The following BEGAIN variants were observed in gnomAD, a reference collection of about 807,000 sequenced individuals.
BEGAIN encodes brain enriched guanylate kinase associated, also known as brain-enriched guanylate kinase-associated protein.
Under a neutral mutation model 35.8 loss-of-function variants are expected in BEGAIN, and 19 were observed. The observed-to-expected ratio is 0.53, with a 90% CI of 0.37 to 0.78. The LOEUF is 0.78. BEGAIN is among the 30% of genes least tolerant of loss of function. The pLI is 0.00. For missense variants in BEGAIN, 795 were observed against 853.6 expected (o/e 0.93, Z 0.85); for synonymous variants, 462 against 388.6 (o/e 1.19, Z -2.22).
In BEGAIN at chr14:100,568,491, G is replaced by C; in HGVS notation, c.43-552C>G. On this transcript the variant is annotated intron_variant, in intron 1 of 6. Transcript: ENST00000554140. This position sits in a 1 kb window ranked among gnomAD's most constrained non-coding sequence, Gnocchi z 7.5. ...TTGGAGCCTCGACTCCTCAATCAGGGACCCGCTGCCCTCAGATTCTGGGGT... is the reference window on the plus strand; with the variant it reads ...TTGGAGCCTCGACTCCTCAATCAGGCACCCGCTGCCCTCAGATTCTGGGGT... 4.7e-6 allele frequency: 6 copies of C among 1,286,338 alleles called. No homozygotes were observed. The highest frequency in any genetic ancestry group is 6.1e-6 in the Non-Finnish European group (6 of 987,190). 79.7% of individuals were successfully genotyped at this position (1,286,338 alleles called of 1,614,324 possible).
At chr14:100,555,127 G>T (rs2033583783) in intron 2 of BEGAIN, among the ~76,000 whole-genome samples, 1 of 152,250 alleles carries the variant, frequency 6.6e-6, no homozygotes, top group South Asian at 2.1e-4. Flanking sequence ...GCCCACATCA[G>T]ACCCTTGGGA....
At chr14:100,575,261 C>T (rs1281989199) in intron 1 of BEGAIN, among the ~76,000 whole-genome samples, 2 of 152,208 alleles carry the variant, frequency 1.3e-5, no homozygotes, top group Non-Finnish European at 2.9e-5. Flanking sequence ...AGAAAGCATT[C>T]TGGGGACACA....
chr14:100,568,466 T>G lies in BEGAIN; in HGVS notation c.43-527A>C. ...TCACACAATCCGAGGGCGATGGCAT[T>G]TGGAGCCTCGACTCCTCAATCAGGG... On this transcript the variant is annotated intron_variant, in intron 1 of 6. Transcript: ENST00000554140. The surrounding 1 kb of genome is among the most constrained non-coding windows in gnomAD (Gnocchi z 7.5). 8 of 1,286,358 alleles carry G rather than the reference T, an allele frequency of 6.2e-6. No homozygotes were observed. The highest frequency in any genetic ancestry group is 8.1e-6 in the Non-Finnish European group (8 of 987,238). 79.7% of individuals were successfully genotyped at this position (1,286,358 alleles called of 1,614,324 possible). A position where few individuals can be genotyped will look rare whatever the true frequency, so the allele number is the denominator to read the frequency against.
intron 6 of BEGAIN, among the ~76,000 whole-genome samples, chr14:100,539,795 A>G (rs1430747712): frequency 6.6e-6 from 1 of 152,164 alleles, no homozygotes; most frequent in Non-Finnish European, 1.5e-5. Context: ...TGAAGAAGAC[A>G]GACTCAGATG....
intron 1 of BEGAIN, chr14:100,577,822 C>T (rs2035234247): frequency 2.5e-6 from 1 of 399,234 alleles, no homozygotes; most frequent in Non-Finnish European, 4.4e-6. Flanking sequence ...TGGCATGTGG[C>T]TTCGAAGGTC....
chr14:100,561,199 C>T (rs1297533142), intron 2 of BEGAIN, among the ~76,000 whole-genome samples: 1 of 152,150 alleles, frequency 6.6e-6, no homozygotes, highest in Non-Finnish European at 1.5e-5. Context: ...GCCCCGCCCC[C>T]AGCTCAGAGA....
intron 2 of BEGAIN, 57 bp from the exon 3 acceptor site, chr14:100,546,719 G>T (rs2032518166): frequency 6.8e-7 from 1 of 1,475,196 alleles, no homozygotes; most frequent in African/African-American, 1.5e-5. Context: ...GGAAACTAAG[G>T]CCCGCAGGCC....
chr14:100,577,649 G>A (rs1449733015), intron 1 of BEGAIN: 6 of 398,962 alleles, frequency 1.5e-5, no homozygotes, highest in East Asian at 3.6e-5. Context: ...TCCCGCCAGC[G>A]GCCCAGGCGT....
chr14:100,567,576 G>A lies in BEGAIN; in HGVS notation c.71+335C>T, dbSNP rs1345261059. ...GAACGGAACCCGGAGGGTCCCCGGG[G>A]ACCAGCGAGAGTCCAGGGCAGGGAG... On this transcript the variant is annotated intron_variant, in intron 2 of 6. Transcript: ENST00000554140. This position sits in a 1 kb window ranked among gnomAD's most constrained non-coding sequence, Gnocchi z 5.1. Among the ~76,000 whole-genome samples the A allele has an allele frequency of 2.6e-5, 4 of 151,974 alleles. No homozygotes were observed. The highest frequency in any genetic ancestry group is 4.4e-5 in the Non-Finnish European group (3 of 67,922).
intron 2 of BEGAIN, chr14:100,546,920 G>A (rs2032601179): frequency 5.4e-6 from 2 of 367,628 alleles, no homozygotes; most frequent in Admixed American, 9.6e-5. Context: ...GACTCCACCA[G>A]TGTCCCTCAC....
intron 3 of BEGAIN, chr14:100,545,537 A>G (rs2032264113): frequency 1.5e-6 from 1 of 687,630 alleles, no homozygotes; most frequent in Non-Finnish European, 1.8e-6. Flanking sequence ...GCCGGGTAGG[A>G]GGAGTGGAGC....
intron 2 of BEGAIN, among the ~76,000 whole-genome samples, chr14:100,561,288 C>G (rs1250626866): frequency 6.6e-6 from 1 of 152,216 alleles, no homozygotes; most frequent in Non-Finnish European, 1.5e-5. Context: ...CAGCAAGGCC[C>G]AAGCAGGGCA....
At chr14:100,561,790 T>C (rs750523438) in intron 2 of BEGAIN, among the ~76,000 whole-genome samples, 3 of 151,774 alleles carry the variant, frequency 2.0e-5, no homozygotes, top group Non-Finnish European at 2.9e-5. Context: ...CCTAGGTGCG[T>C]CTACCTTCTT....
At chr14:100,562,359 A>G (rs997174688) in intron 2 of BEGAIN, among the ~76,000 whole-genome samples, 5 of 152,056 alleles carry the variant, frequency 3.3e-5, no homozygotes, top group Admixed American at 2.0e-4. Flanking sequence ...CCCAACCTGG[A>G]TGCTGTCTAG....
At chr14:100,574,526 T>G (rs1595150035) in intron 1 of BEGAIN, among the ~76,000 whole-genome samples, 1 of 152,104 alleles carries the variant, frequency 6.6e-6, no homozygotes, top group Non-Finnish European at 1.5e-5. Flanking sequence ...AGGTTTTTTT[T>G]TTTTTTTTTT....
chr14:100,558,487 T>C lies in BEGAIN; in HGVS notation c.71+9424A>G, dbSNP rs963539421. Among the ~76,000 whole-genome samples, 2 of 152,152 alleles carry C rather than the reference T, an allele frequency of 1.3e-5. No individual in the cohort carries two copies. The highest frequency in any genetic ancestry group is 2.9e-5 in the Non-Finnish European group (2 of 68,020). On this transcript the variant is annotated intron_variant, in intron 2 of 6. Transcript: ENST00000554140. The surrounding 1 kb of genome is among the most constrained non-coding windows in gnomAD (Gnocchi z 4.6). ...GGCCTCCGGCATCTCCTTCCCTGGG[T>C]GCACTCACCAGTGGCAACCCTAGCC...
intron 1 of BEGAIN, among the ~76,000 whole-genome samples, chr14:100,572,208 G>A (rs2035100269): frequency 6.6e-6 from 1 of 152,174 alleles, no homozygotes; most frequent in Admixed American, 6.5e-5. Flanking sequence ...GCTCTGCCCT[G>A]GGAAACCCCT....
At chr14:100,557,533 C>T (rs182786476) in intron 2 of BEGAIN, among the ~76,000 whole-genome samples, 5 of 152,270 alleles carry the variant, frequency 3.3e-5, no homozygotes, top group African/African-American at 4.8e-5. Context: ...TCACTGCCAC[C>T]GGGGGTTCTC....
At chr14:100,566,368 G>A (rs939662671) in intron 2 of BEGAIN, among the ~76,000 whole-genome samples, 4 of 152,246 alleles carry the variant, frequency 2.6e-5, no homozygotes, top group African/African-American at 9.6e-5. Context: ...TGGCACACAG[G>A]AATAGGTGCC....
Sources: allele counts gnomAD v4.1 joint callset (sites outside exome capture counted in the v4.1 genomes callset), GRCh38; gene constraint gnomAD v4.1.1; non-coding constraint Gnocchi (gnomAD v3.1); transcripts MANE v1.5; gene names NCBI Gene and HGNC (gene_info 2026-07-23, HGNC 2026-07-21).